The following ARHGAP22 variants were observed in gnomAD, a reference collection of about 807,000 sequenced individuals.
The protein encoded by ARHGAP22 is rho GTPase-activating protein 22.
ARHGAP22 carries 48 observed loss-of-function variants against 59.1 expected under a neutral mutation model. That is an observed-to-expected ratio of 0.81 (90% CI 0.64 to 1.03). The LOEUF (loss-of-function observed/expected upper bound fraction) is 1.03. Ranked by LOEUF, ARHGAP22 falls within the 50% of genes least tolerant of loss-of-function variation. ARHGAP22 has a pLI of 0.00. For missense variants in ARHGAP22, 1,015 were observed against 958.7 expected (o/e 1.06, Z -0.78); for synonymous variants, 445 against 416.4 (o/e 1.07, Z -0.84).
At chr10:48,456,272 T>C (rs995735871) in intron 5 of ARHGAP22, among the ~76,000 whole-genome samples, 25 of 152,148 alleles carry the variant, frequency 1.6e-4, no homozygotes, top group African/African-American at 5.8e-4. Flanking sequence ...CTAGGCTCAC[T>C]GAGATAAATA....
intron 3 of ARHGAP22, among the ~76,000 whole-genome samples, chr10:48,552,066 T>C (rs781023863): frequency 2.0e-5 from 3 of 152,290 alleles, no homozygotes; most frequent in Non-Finnish European, 4.4e-5. Context: ...TTCCTCATTT[T>C]TAATTCTACT....
At chr10:48,619,506 G>A (rs773146071) in intron 1 of ARHGAP22, among the ~76,000 whole-genome samples, 14 of 152,152 alleles carry the variant, frequency 9.2e-5, no homozygotes, top group Admixed American at 2.6e-4. Flanking sequence ...TAGACCAATG[G>A]CAGAGAATAG....
At chr10:48,474,413 A>G (rs968338083) in intron 4 of ARHGAP22, among the ~76,000 whole-genome samples, 1 of 152,208 alleles carries the variant, frequency 6.6e-6, no homozygotes, top group Admixed American at 6.5e-5. Flanking sequence ...CTTTTAAATC[A>G]AGCTTCATTT....
At chr10:48,564,178 T>C (rs927281245) in intron 2 of ARHGAP22, among the ~76,000 whole-genome samples, 1 of 152,228 alleles carries the variant, frequency 6.6e-6, no homozygotes, top group African/African-American at 2.4e-5. Context: ...TAAGAATTTG[T>C]TCTAAGGAAA....
At chr10:48,556,951 C>A (rs2057347673) in intron 2 of ARHGAP22, among the ~76,000 whole-genome samples, 1 of 152,106 alleles carries the variant, frequency 6.6e-6, no homozygotes, top group Non-Finnish European at 1.5e-5. Flanking sequence ...GTGATGGGAG[C>A]CTCCCATGTG....
At chr10:48,548,956 G>A (rs1456508260) in intron 3 of ARHGAP22, among the ~76,000 whole-genome samples, 2 of 152,304 alleles carry the variant, frequency 1.3e-5, no homozygotes, top group Middle Eastern at 3.4e-3. Context: ...ACCGCTCACC[G>A]GCCCTCGGAT....
chr10:48,654,893 T>C (rs2062715234), upstream of ARHGAP22, among the ~76,000 whole-genome samples: 1 of 144,392 alleles, frequency 6.9e-6, no homozygotes, highest in Non-Finnish European at 1.5e-5. Flanking sequence ...CTCTTTCTTT[T>C]CTCTCCTCCC....
chr10:48,438,459 CTTCG>C, the ARHGAP22 span: 1 of 152,234 alleles, frequency 6.6e-6, no homozygotes, highest in Non-Finnish European at 1.5e-5. Flanking sequence ...ACTGACTGCT[CTTCG>C]TTAAGTGCTC....
At chr10:48,504,314 C>G (rs1040236607) in intron 3 of ARHGAP22, among the ~76,000 whole-genome samples, 1 of 152,192 alleles carries the variant, frequency 6.6e-6, no homozygotes, top group Non-Finnish European at 1.5e-5. Flanking sequence ...TCCAGTGAGA[C>G]CACAGGTACT....
At chr10:48,438,181 A>G in the ARHGAP22 span, 1 of 152,246 alleles carries the variant, frequency 6.6e-6, no homozygotes, top group South Asian at 2.1e-4. Context: ...ATGAAGCCCC[A>G]TGACACCAGT....
At chr10:48,481,177 A>G (rs1394531044) in intron 3 of ARHGAP22, among the ~76,000 whole-genome samples, 1 of 152,196 alleles carries the variant, frequency 6.6e-6, no homozygotes, top group Non-Finnish European at 1.5e-5. Context: ...GTGGAGCCCA[A>G]CCCCAGAGGC....
Position 48,470,082 on chromosome 10 carries a change from C to T in ARHGAP22, c.451+9554G>A, listed in dbSNP as rs529848141. Among the ~76,000 whole-genome samples the T allele has an allele frequency of 1.0e-3, 158 of 152,310 alleles. 2 individuals carry two copies. Among genetic ancestry groups the T allele is most frequent in the African/African-American group, 3.7e-3 (155 of 41,566 alleles). ...TCCAGGATAGGAAATGCTGGGGTCC[C>T]CAGGGGTTCATCCCCATCTTATCAA... is the stretch of plus-strand genomic sequence containing the variant. On this transcript the variant is annotated intron_variant, in intron 4 of 9. Coordinates refer to ENST00000249601, the MANE Select transcript of ARHGAP22 (RefSeq NM_021226.4).
At chr10:48,590,797 A>G (rs752164748) in intron 1 of ARHGAP22, among the ~76,000 whole-genome samples, 38 of 128,478 alleles carry the variant, frequency 3.0e-4, no homozygotes, top group Non-Finnish European at 5.7e-4. Context: ...TCATGGGGGT[A>G]TTGCTTCCTC....
rs2045891394 is a variant in ARHGAP22 at position 48,451,054 on chromosome 10, A to C, written c.1075T>G (p.Ser359Ala). 4 of 1,552,322 alleles carry C rather than the reference A, an allele frequency of 2.6e-6. No homozygotes were observed. Among genetic ancestry groups the C allele is most frequent in the Non-Finnish European group, 3.5e-6 (4 of 1,147,936 alleles). ...FTAPVPEGPT[S>A]PRGGLQCAVG... ...GCGCATTGCAGGCCCCCGCGCGGGG[A>C]GGTGGGCCCTTCCGGGACCGGTGCC... Residue 359 changes from serine to alanine, a missense_variant, in exon 9 of 10, where the codon TCC (serine) becomes GCC (alanine). Coordinates refer to ENST00000249601, the MANE Select transcript of ARHGAP22 (RefSeq NM_021226.4).
chr10:48,635,576 G>A (rs1442975057), intron 1 of ARHGAP22, among the ~76,000 whole-genome samples: 2 of 152,248 alleles, frequency 1.3e-5, no homozygotes, highest in African/African-American at 4.8e-5. Context: ...CCTCAGCCAA[G>A]GGAGAAAGGG....
rs768945935 is a variant in ARHGAP22 at position 48,450,342 on chromosome 10, G to A, written c.1787C>T (p.Ser596Phe). 9 of 1,596,876 alleles carry A rather than the reference G, an allele frequency of 5.6e-6. No individual in the cohort carries two copies. The Middle Eastern group carries it at 1.0e-3, about 178-fold the overall frequency. ...AGTGACCAGCCCCTGTAAGGCCTCG[G>A]AGCGGCGCGCGTGTTCCCGGGTGGG... ...DSPTREHARR[S>F]EALQGLVTEL... Residue 596 changes from serine to phenylalanine, a missense_variant, in exon 9 of 10, where the codon TCC becomes TTC. Coordinates refer to ENST00000249601, the MANE Select transcript of ARHGAP22 (RefSeq NM_021226.4).
At chr10:48,493,711 G>T (rs1272421382) in intron 3 of ARHGAP22, 7 of 1,316,560 alleles carry the variant, frequency 5.3e-6, no homozygotes, top group Non-Finnish European at 6.8e-6. Flanking sequence ...CTGGGGCGGG[G>T]CAAGAAGGAC....
In ARHGAP22 at chr10:48,590,754, C is replaced by G. The variant is rs553946125; in HGVS notation, c.35-7602G>C. Among the ~76,000 whole-genome samples, 3 of 151,768 alleles carry G rather than the reference C, an allele frequency of 2.0e-5. No individual in the cohort carries two copies. The South Asian group carries it at 6.3e-4, about 32-fold the overall frequency. On this transcript the variant is annotated intron_variant, in intron 1 of 9. Coordinates refer to ENST00000249601, the MANE Select transcript of ARHGAP22 (RefSeq NM_021226.4). The stretch of plus-strand genomic sequence containing the variant: ...TAAACTTGGCGCTTGCTCTATGACT[C>G]TGGCCTGGCCGTCCTGGGGACTCTG...
chr10:48,479,541 A>C (rs1011980087), intron 4 of ARHGAP22, 95 bp downstream of exon 4: 7 of 1,599,260 alleles, frequency 4.4e-6, no homozygotes, highest in Non-Finnish European at 6.0e-6. Flanking sequence ...GCAAGTCCTC[A>C]GTGAGCAGGG....
Sources: allele counts gnomAD v4.1 joint callset (sites outside exome capture counted in the v4.1 genomes callset), GRCh38; gene constraint gnomAD v4.1.1; transcripts MANE v1.5; gene names NCBI Gene and HGNC (gene_info 2026-07-23, HGNC 2026-07-21).